Variants in SKP2 observed in about 807,000 individuals in gnomAD.
SKP2 encodes S-phase kinase associated protein 2.
In SKP2, 16 loss-of-function variants were observed where a neutral mutation model predicts 51.8. The observed-to-expected ratio is 0.31, with a 90% CI of 0.21 to 0.47. The LOEUF (loss-of-function observed/expected upper bound fraction) is 0.47. SKP2 is among the 20% of genes least tolerant of loss of function. The pLI, the probability that SKP2 is intolerant of heterozygous loss-of-function variation, is 1.00. For missense variants in SKP2, 377 were observed against 505.3 expected (o/e 0.75, Z 2.43); for synonymous variants, 176 against 198.6 (o/e 0.89, Z 0.96).
At position 36,152,123 on chromosome 5, in the gene SKP2, A is replaced by G; in HGVS notation, c.-140A>G. ...GCCTTGCGCGCGCAGTGGGGATGGA[A>G]CGTTGCTAGGCTTAGCGGGTCTGGC... is the stretch of plus-strand genomic sequence containing the variant. On this transcript the variant is annotated 5_prime_UTR_variant, in exon 1 of 10. Transcript: ENST00000274255. 1 of 834,442 alleles carries G rather than the reference A, an allele frequency of 1.2e-6. No individual in the cohort carries two copies. The highest frequency in any genetic ancestry group is 1.5e-5 in the South Asian group (1 of 68,866). 51.7% of individuals were successfully genotyped at this position (834,442 alleles called of 1,614,324 possible).
chr5:36,175,685 A>G (rs16902780), intron 7 of SKP2, among the ~76,000 whole-genome samples: 6,010 of 151,440 alleles, frequency 0.04, 225 homozygotes, highest in East Asian at 0.17. Context: ...GTGTGTTTTG[A>G]CCAAGTTGAA....
At chr5:36,170,598 C>G (rs952394068) in intron 6 of SKP2, among the ~76,000 whole-genome samples, 156 bp downstream of exon 6, 1 of 152,174 alleles carries the variant, frequency 6.6e-6, no homozygotes, top group Non-Finnish European at 1.5e-5. Context: ...AACTTTCTGT[C>G]CAAACTCAGG....
intron 2 of SKP2, among the ~76,000 whole-genome samples, chr5:36,160,032 C>A (rs1405823350): frequency 6.6e-6 from 1 of 152,202 alleles, no homozygotes; most frequent in African/African-American, 2.4e-5. Flanking sequence ...ATTATTTAAT[C>A]TTTTCTTGTA....
chr5:36,153,719 A>G (rs187270525), intron 2 of SKP2, among the ~76,000 whole-genome samples: 9 of 152,190 alleles, frequency 5.9e-5, no homozygotes, highest in African/African-American at 9.6e-5. Flanking sequence ...CATAATTCCA[A>G]CCTTCTTCTC....
intron 7 of SKP2, chr5:36,192,946 A>G (rs1488067002): frequency 6.6e-6 from 1 of 152,224 alleles, no homozygotes; most frequent in Non-Finnish European, 1.5e-5. Flanking sequence ...ATTCAAACAC[A>G]TTTTTGCTAT....
In SKP2 at chr5:36,163,565, T is replaced by C. The variant is rs571346681; in HGVS notation, c.281-80T>C. ...CTCATTTAAGCTAAATGTTGTATAT[T>C]CTTTATGTGTTTGAAAAGACTCAGT... On this transcript the variant is annotated intron_variant, in intron 2 of 9. Coordinates refer to ENST00000274255, the MANE Select transcript of SKP2 (RefSeq NM_005983.4). The C allele has an allele frequency of 4.8e-5, 39 of 818,912 alleles. No individual in the cohort carries two copies. The South Asian group carries it at 5.2e-4, about 11-fold the overall frequency. 50.7% of individuals were successfully genotyped at this position (818,912 alleles called of 1,614,324 possible).
chr5:36,179,872 A>G (rs1224861493), intron 9 of SKP2, among the ~76,000 whole-genome samples: 1 of 151,006 alleles, frequency 6.6e-6, no homozygotes, highest in Non-Finnish European at 1.5e-5. Context: ...GATGCTTGCA[A>G]ATTTTTTATT....
Position 36,163,666 on chromosome 5 carries a change from C to T in SKP2, c.302C>T (p.Pro101Leu), listed in dbSNP as rs761253702. 1 of 1,613,440 alleles carries T rather than the reference C, an allele frequency of 6.2e-7. No individual in the cohort carries two copies. The highest frequency in any genetic ancestry group is 1.1e-5 in the South Asian group (1 of 91,076). ...AAAGGTGTTTCATGGGACTCCCTTCCGGATGAGCTGCTCTTGGGAATCTTT... is the reference window on the plus strand; with the variant it reads ...AAAGGTGTTTCATGGGACTCCCTTCTGGATGAGCTGCTCTTGGGAATCTTT... ...NFPGVSWDSLPDELLLGIFSC... is the reference protein window; with the variant it reads ...NFPGVSWDSLLDELLLGIFSC... Residue 101 changes from proline to leucine, a missense_variant, in exon 3 of 10, where the codon CCG becomes CTG. Pro to Leu is a moderately conservative substitution (Grantham distance 98). Around this residue, in one of 2 missense-constraint regions of SKP2, gnomAD observed 262 missense variants for 389.8 expected, o/e 0.67. Transcript: ENST00000274255.
rs1451970485 is a variant in SKP2, at chr5:36,183,239, G to A, written c.*1208G>A. On this transcript the variant is annotated 3_prime_UTR_variant, in exon 10 of 10. Transcript: ENST00000274255. ...ATATATTTTTTTAAACTGGTACAGA[G>A]AAGTGAAAAGATTAAATTCTACTTC... 1.1e-6 allele frequency: 1 copy of A among 915,628 alleles called. No individual in the cohort carries two copies. The highest frequency in any genetic ancestry group is 1.3e-6 in the Non-Finnish European group (1 of 767,860). 56.7% of individuals were successfully genotyped at this position (915,628 alleles called of 1,614,324 possible).
chr5:36,177,313 A>T, intron 9 of SKP2, 21 bp downstream of exon 9: 1 of 1,402,798 alleles, frequency 7.1e-7, no homozygotes. Context: ...TTTGTTTTTA[A>T]TGCTTAATAG....
chr5:36,152,286 A>C lies in SKP2; in HGVS notation c.8+16A>C. ...CTATGCACAGGTAAACGGATTGCAAAAAGGGGAAGAGCATGAAATGGACCC... is the reference window on the plus strand; with the variant it reads ...CTATGCACAGGTAAACGGATTGCAACAAGGGGAAGAGCATGAAATGGACCC... On this transcript the variant is annotated intron_variant, in intron 1 of 9. Transcript: ENST00000274255. 6.2e-7 allele frequency: 1 copy of C among 1,612,464 alleles called. No individual in the cohort carries two copies.
At chr5:36,190,358 A>G (rs1745996767) in intron 6 of SKP2, among the ~76,000 whole-genome samples, 1 of 152,136 alleles carries the variant, frequency 6.6e-6, no homozygotes, top group Non-Finnish European at 1.5e-5. Context: ...GCCATCTTGG[A>G]ACCACCTCAC....
At chr5:36,164,551 C>T (rs937219681) in intron 3 of SKP2, among the ~76,000 whole-genome samples, 3 of 152,242 alleles carry the variant, frequency 2.0e-5, no homozygotes, top group African/African-American at 7.2e-5. Context: ...CGTCTGGCTT[C>T]TCCCTCCACA....
In SKP2 at chr5:36,183,098, T is replaced by G. The variant is rs993412533; in HGVS notation, c.*1067T>G. On this transcript the variant is annotated 3_prime_UTR_variant, in exon 10 of 10. Coordinates refer to ENST00000274255, the MANE Select transcript of SKP2 (RefSeq NM_005983.4). Reference sequence around the variant, plus strand: ...AAGAGGAACTGCATGTTCTCTTCAATCAGAAATATACAGTAGAAGCAGGTA... The same window carrying G: ...AAGAGGAACTGCATGTTCTCTTCAAGCAGAAATATACAGTAGAAGCAGGTA... 1 of 984,176 alleles carries G rather than the reference T, an allele frequency of 1.0e-6. No individual in the cohort carries two copies. Among genetic ancestry groups the G allele is most frequent in the African/African-American group, 1.7e-5 (1 of 57,206 alleles). 61.0% of individuals were successfully genotyped at this position (984,176 alleles called of 1,614,324 possible).
chr5:36,162,658 T>C (rs1274003566), intron 2 of SKP2, among the ~76,000 whole-genome samples: 1 of 152,206 alleles, frequency 6.6e-6, no homozygotes, highest in Admixed American at 6.5e-5. Flanking sequence ...TCAGTAAATA[T>C]TTGTTGAATT....
At chr5:36,166,295 TAGAAAG>T (rs1317389277) in intron 3 of SKP2, among the ~76,000 whole-genome samples, 4 of 152,190 alleles carry the variant, frequency 2.6e-5, no homozygotes, top group South Asian at 4.1e-4. Context: ...TGGAAGTATA[TAGAAAG>T]AGAAAGATGG....
Position 36,152,252 on chromosome 5 carries a change from C to T in SKP2, c.-11C>T. 1 of 1,613,932 alleles carries T rather than the reference C, an allele frequency of 6.2e-7. No individual in the cohort carries two copies. Among genetic ancestry groups the T allele is most frequent in the Non-Finnish European group, 8.5e-7 (1 of 1,179,776 alleles). ...ATGCACGTATTTTAAACTCCCGGGC[C>T]TGCGGACGCTATGCACAGGTAAACG... On this transcript the variant is annotated 5_prime_UTR_variant, in exon 1 of 10. Coordinates refer to ENST00000274255, the MANE Select transcript of SKP2 (RefSeq NM_005983.4).
At chr5:36,163,367 C>G (rs1579556869) in intron 2 of SKP2, among the ~76,000 whole-genome samples, 1 of 152,200 alleles carries the variant, frequency 6.6e-6, no homozygotes, top group South Asian at 2.1e-4. Flanking sequence ...CTGGGTTTCT[C>G]TTTTTGATTT....
chr5:36,186,652 A>G (rs915717559), downstream of SKP2, among the ~76,000 whole-genome samples: 8 of 151,920 alleles, frequency 5.3e-5, no homozygotes, highest in East Asian at 1.9e-4. Flanking sequence ...GTTTGCCAGT[A>G]TTTTATTGAG....
Sources: gnomAD v4.1 joint callset for allele counts (sites outside exome capture counted in the v4.1 genomes callset) on GRCh38, gnomAD v4.1.1 for gene constraint, gnomAD v4.1.1 regional missense constraint, MANE v1.5 for transcripts, NCBI Gene and HGNC (gene_info 2026-07-23, HGNC 2026-07-21) for gene names.